KY: variants seen among roughly 807,000 people sequenced by gnomAD.
KY encodes the protein kyphoscoliosis peptidase.
A neutral mutation model predicts 76.1 loss-of-function variants in KY; 43 were observed. The ratio of observed to expected loss-of-function variants is 0.57; its 90% CI spans 0.44 to 0.73. The LOEUF is 0.73. KY is among the 30% of genes least tolerant of loss of function. The pLI, the probability that KY is intolerant of heterozygous loss-of-function variation, is 0.00. For synonymous variants in KY, 277 were observed against 326.2 expected, an observed-to-expected ratio of 0.85 and a Z score of 1.63; for missense variants, 722 against 828.9, an observed-to-expected ratio of 0.87 and a Z score of 1.58.
intron 3 of KY, among the ~76,000 whole-genome samples, chr3:134,632,063 A>G (rs1462297158): frequency 6.6e-6 from 1 of 152,128 alleles, no homozygotes; most frequent in Non-Finnish European, 1.5e-5. Flanking sequence ...TAGCAAGAAG[A>G]CATAACAACC....
chr3:134,616,412 C>T (rs566029309), intron 8 of KY, among the ~76,000 whole-genome samples: 5 of 152,130 alleles, frequency 3.3e-5, no homozygotes, highest in East Asian at 1.9e-4. Context: ...TCAGCAAGTG[C>T]GGATTATATG....
intron 9 of KY, among the ~76,000 whole-genome samples, chr3:134,609,137 G>A (rs115585892): frequency 6.6e-5 from 10 of 152,344 alleles, no homozygotes; most frequent in East Asian, 5.8e-4. Flanking sequence ...AAGTTCAAAG[G>A]GGGGAAAGGC....
chr3:134,616,370 G>A (rs956657965), intron 8 of KY, among the ~76,000 whole-genome samples: 1 of 152,188 alleles, frequency 6.6e-6, no homozygotes, highest in African/African-American at 2.4e-5. Context: ...AAAAAGTAAT[G>A]ATGTCCACCC....
chr3:134,627,894 G>T (rs1388169431), intron 4 of KY, 76 bp from the exon 5 acceptor site: 1 of 1,177,774 alleles, frequency 8.5e-7, no homozygotes, highest in Non-Finnish European at 1.3e-6. Context: ...CTCACCTTCT[G>T]GTGGTCCTTG....
intron 3 of KY, among the ~76,000 whole-genome samples, chr3:134,635,980 T>G (rs1018077646): frequency 1.3e-5 from 2 of 152,236 alleles, no homozygotes; most frequent in Non-Finnish European, 2.9e-5. Flanking sequence ...AATGGCTACA[T>G]AGTATTCTAT....
At chr3:134,640,000 G>A in intron 3 of KY, 1 of 157,866 alleles carries the variant, frequency 6.3e-6, no homozygotes, top group Non-Finnish European at 1.3e-5. Flanking sequence ...CTTTGCAGGG[G>A]CTCCTTGTGA....
chr3:134,603,374 C>T lies in KY; in HGVS notation c.*205G>A. ...TCCTTCTAAAGAGCCACTGCCTCTG[C>T]CCCCTCAGTCACAGCCACACCTGAG... is the stretch of plus-strand genomic sequence containing the variant. On this transcript the variant is annotated 3_prime_UTR_variant, in exon 11 of 11. Coordinates refer to ENST00000423778, the MANE Select transcript of KY (RefSeq NM_178554.6). 2.0e-6 allele frequency: 1 copy of T among 501,108 alleles called. No homozygotes were observed. The highest frequency in any genetic ancestry group is 3.8e-5 in the South Asian group (1 of 26,090). The allele number at this position is 501,108 out of a possible 1,614,324, so 31.0% of individuals were successfully genotyped here.
chr3:134,625,258 G>A, intron 5 of KY, 123 bp from the exon 6 acceptor site: 1 of 767,122 alleles, frequency 1.3e-6, no homozygotes, highest in East Asian at 2.7e-5. Flanking sequence ...CTCAAAGCCT[G>A]AAACATTGAG....
At chr3:134,646,880 G>A (rs938206625) in intron 2 of KY, among the ~76,000 whole-genome samples, 4 of 152,180 alleles carry the variant, frequency 2.6e-5, no homozygotes, top group Non-Finnish European at 5.9e-5. Context: ...ATAGAATAAA[G>A]CCCATTATAC....
chr3:134,603,506 T>G lies in KY; in HGVS notation c.*73A>C. The stretch of plus-strand genomic sequence containing the variant: ...AGACTCAGTGGTGTCCAGGGCTCCC[T>G]GCACTTCCTTCGAGCCCTCCCTGGG... On this transcript the variant is annotated 3_prime_UTR_variant, in exon 11 of 11. Transcript: ENST00000423778. The G allele has an allele frequency of 3.6e-6, 5 of 1,383,646 alleles. No homozygotes were observed. In the Admixed American group the frequency reaches 9.1e-5, roughly 25 times the overall value. 85.7% of individuals were successfully genotyped at this position (1,383,646 alleles called of 1,614,324 possible). A position where few individuals can be genotyped will look rare whatever the true frequency, so the allele number is the denominator to read the frequency against.
chr3:134,605,787 T>C (rs1305381440), intron 10 of KY, among the ~76,000 whole-genome samples: 3 of 152,016 alleles, frequency 2.0e-5, no homozygotes, highest in African/African-American at 7.3e-5. Context: ...TTGGAGGACC[T>C]AGGCTGCTGG....
At chr3:134,624,378 C>G (rs1474881340) in intron 6 of KY, among the ~76,000 whole-genome samples, 1 of 152,224 alleles carries the variant, frequency 6.6e-6, no homozygotes, top group Non-Finnish European at 1.5e-5. Flanking sequence ...ACCATCCACT[C>G]ATTATTTCAA....
intron 9 of KY, among the ~76,000 whole-genome samples, chr3:134,609,522 A>G (rs527249492): frequency 6.6e-6 from 1 of 152,280 alleles, no homozygotes; most frequent in African/African-American, 2.4e-5. Context: ...GAGAGAGCAC[A>G]CTCATGTTTC....
intron 8 of KY, chr3:134,615,059 C>CAA (rs1236585958): frequency 2.0e-4 from 31 of 152,190 alleles, no homozygotes; most frequent in Admixed American, 2.0e-3. Flanking sequence ...AATTTATGTA[C>CAA]TTGATTTCTT....
chr3:134,618,041 G>A lies in KY; in HGVS notation c.710+1107C>T, dbSNP rs576920629. ...GGAAGCAGCCTGGGTGGCATATTCTGTACCCTGACCCACCGTGGCTGCGTC... is the reference window on the plus strand; with the variant it reads ...GGAAGCAGCCTGGGTGGCATATTCTATACCCTGACCCACCGTGGCTGCGTC... On this transcript the variant is annotated intron_variant, in intron 8 of 10. Coordinates refer to ENST00000423778, the MANE Select transcript of KY (RefSeq NM_178554.6). Among the ~76,000 whole-genome samples, 7 of 152,242 alleles carry A rather than the reference G, an allele frequency of 4.6e-5. No homozygotes were observed. The East Asian group carries it at 1.4e-3, about 29-fold the overall frequency.
intron 7 of KY, among the ~76,000 whole-genome samples, chr3:134,619,667 G>A (rs1962247738): frequency 6.6e-6 from 1 of 152,226 alleles, no homozygotes; most frequent in African/African-American, 2.4e-5. Flanking sequence ...GTCTCCAAGT[G>A]GAGAAGGCTG....
At chr3:134,613,914 C>T (rs1961012882) in intron 8 of KY, among the ~76,000 whole-genome samples, 1 of 152,194 alleles carries the variant, frequency 6.6e-6, no homozygotes. Flanking sequence ...ATCAAAAGAT[C>T]ACTGGCCGCA....
chr3:134,617,891 T>A (rs763386555), intron 8 of KY, among the ~76,000 whole-genome samples: 3 of 152,018 alleles, frequency 2.0e-5, no homozygotes, highest in Non-Finnish European at 2.9e-5. Context: ...CTAGATAGTG[T>A]GATCCTTTAG....
chr3:134,600,022 C>T lies in KY; in HGVS notation c.*3557G>A, dbSNP rs1346851183. The stretch of plus-strand genomic sequence containing the variant: ...ACCGGCCCACACAACTCAATGCACA[C>T]ATTATGAGAAGTAATCACCTCTTTC... On this transcript the variant is annotated 3_prime_UTR_variant, in exon 11 of 11. Transcript: ENST00000423778. 2.0e-5 allele frequency among the ~76,000 whole-genome samples: 3 copies of T among 152,228 alleles called. No homozygotes were observed. The highest frequency in any genetic ancestry group is 1.3e-4 in the Admixed American group (2 of 15,290).
Sources: allele counts gnomAD v4.1 joint callset (sites outside exome capture counted in the v4.1 genomes callset), GRCh38; gene constraint gnomAD v4.1.1; transcripts MANE v1.5; gene names NCBI Gene and HGNC (gene_info 2026-07-23, HGNC 2026-07-21).